The following ISLR2 variants were observed in gnomAD, a reference collection of about 807,000 sequenced individuals.
ISLR2 encodes the protein immunoglobulin superfamily containing leucine rich repeat 2, also known as immunoglobulin superfamily containing leucine-rich repeat protein 2.
A neutral mutation model predicts 25.5 loss-of-function variants in ISLR2; 16 were observed. That is an observed-to-expected ratio of 0.63 (90% CI 0.43 to 0.95). The LOEUF (loss-of-function observed/expected upper bound fraction) is 0.95. Ranked by LOEUF, ISLR2 falls within the 40% of genes least tolerant of loss-of-function variation. The probability of loss-of-function intolerance (pLI) is 0.00; values close to 1 mark genes in which losing one functional copy is unlikely to be tolerated. For synonymous variants in ISLR2, 508 were observed against 486.6 expected (o/e 1.04, Z -0.58); for missense variants, 883 against 1,030.7 (o/e 0.86, Z 1.96).
chr15:74,114,055 C>T (rs905221935), intron 2 of ISLR2, among the ~76,000 whole-genome samples: 7 of 152,242 alleles, frequency 4.6e-5, no homozygotes, highest in African/African-American at 1.7e-4. Context: ...CTGTTTCCTC[C>T]ACCAAACAAG....
rs1455852659 is a variant in ISLR2, at chr15:74,132,429, G to T, written c.-8-318G>T. Among the ~76,000 whole-genome samples the T allele has an allele frequency of 6.6e-6, 1 of 152,172 alleles. No homozygotes were observed. The highest frequency in any genetic ancestry group is 2.4e-5 in the African/African-American group (1 of 41,442). ...GGCTTAGAAACACAGAGAGGGGTAC[G>T]TGAGGAGCCCGCTGGAGATGGGCGA... is the stretch of plus-strand genomic sequence containing the variant. On this transcript the variant is annotated intron_variant, in intron 2 of 2. Coordinates refer to ENST00000453268, the MANE Select transcript of ISLR2 (RefSeq NM_020851.3). This position sits in a 1 kb window ranked among gnomAD's most constrained non-coding sequence, Gnocchi z 4.3.
intron 2 of ISLR2, among the ~76,000 whole-genome samples, chr15:74,111,839 T>A (rs2141930262): frequency 6.6e-6 from 1 of 152,086 alleles, no homozygotes; most frequent in South Asian, 2.1e-4. Context: ...CTGGAATAAG[T>A]ACAGAGGAAT....
downstream of ISLR2, among the ~76,000 whole-genome samples, chr15:74,139,781 G>A (rs192868668): frequency 1.2e-4 from 18 of 152,070 alleles, no homozygotes; most frequent in African/African-American, 3.9e-4. Flanking sequence ...TTCATGTGCT[G>A]TGCTAGCTTC....
At chr15:74,128,997 C>T, upstream of ISLR2, 1 of 456,722 alleles carries the variant, frequency 2.2e-6, no homozygotes, top group South Asian at 1.5e-5. Flanking sequence ...GGCTGTCCCA[C>T]CACAGGATCC....
At chr15:74,126,345 G>GTTGTTTTTTTT (rs1228122616), upstream of ISLR2, 1 of 139,972 alleles carries the variant, frequency 7.1e-6, no homozygotes, top group African/African-American at 2.9e-5. Context: ...AAAAGCATAG[G>GTTGTTTTTTTT]TATTTTTTTT....
intron 2 of ISLR2, among the ~76,000 whole-genome samples, chr15:74,118,021 C>T (rs2072224304): frequency 6.6e-6 from 1 of 152,184 alleles, no homozygotes; most frequent in East Asian, 1.9e-4. Flanking sequence ...TGTCTGCTGG[C>T]ATATAATGAA....
At chr15:74,141,567 T>C (rs1033885525), downstream of ISLR2, among the ~76,000 whole-genome samples, 1 of 152,202 alleles carries the variant, frequency 6.6e-6, no homozygotes, top group Non-Finnish European at 1.5e-5. Context: ...ATACTAATAA[T>C]ACCAATAGTG....
At position 74,133,066 on chromosome 15, in the gene ISLR2, C is replaced by T; in HGVS notation, c.312C>T (p.Leu104=). 1.9e-6 allele frequency: 3 copies of T among 1,613,006 alleles called. No homozygotes were observed. The highest frequency in any genetic ancestry group is 2.5e-6 in the Non-Finnish European group (3 of 1,179,968). ...ALAVLSQLKN[L]DLSHNFISSF... is the part of the protein sequence containing the mutation. The stretch of plus-strand genomic sequence containing the variant: ...CCGTGCTGAGTCAGCTCAAGAACCT[C>T]GATCTGAGCCACAACTTCATATCCA... The change falls in exon 3 of 3, where the codon CTC becomes CTT. Residue 104 remains leucine (L), a synonymous_variant. Coordinates refer to ENST00000453268, the MANE Select transcript of ISLR2 (RefSeq NM_020851.3).
rs746045369 is a variant in ISLR2 at position 74,133,965 on chromosome 15, G to A, written c.1211G>A (p.Arg404Gln). 6.8e-6 allele frequency: 11 copies of A among 1,609,200 alleles called. No homozygotes were observed. In the South Asian group the frequency reaches 1.1e-4, roughly 16 times the overall value. ...TSERKSTAKGRGNSVLPSKPE... is the reference protein window; with the variant it reads ...TSERKSTAKGQGNSVLPSKPE... ...GAGCGCAAGTCCACAGCCAAGGGCC[G>A]GGGCAACAGCGTCCTGCCTTCCAAA... is the stretch of plus-strand genomic sequence containing the variant. Residue 404 changes from arginine (R) to glutamine (Q), a missense_variant, in exon 3 of 3, where the codon CGG becomes CAG. Around this residue, in one of 2 missense-constraint regions of ISLR2, gnomAD observed 612 missense variants for 642.8 expected, o/e 0.95. Transcript: ENST00000453268.
Position 74,116,610 on chromosome 15 carries a change from G to A in ISLR2, n.228+12696G>A, listed in dbSNP as rs148373808. On this transcript the variant is annotated intron_variant and non_coding_transcript_variant, in intron 2 of 3. Coordinates refer to the ISLR2 transcript ENST00000561975. ...AGACCACTGACATAATAAATACATG[G>A]ATAAATAGAAAAGATCCTATTTTCT... 1.3e-3 allele frequency among the ~76,000 whole-genome samples: 202 copies of A among 152,278 alleles called. 3 individuals carry two copies. In the East Asian group the frequency reaches 0.02, roughly 15 times the overall value.
intron 2 of ISLR2, among the ~76,000 whole-genome samples, chr15:74,106,045 AC>A (rs1376545479): frequency 6.6e-6 from 1 of 152,038 alleles, no homozygotes; most frequent in Non-Finnish European, 1.5e-5. Context: ...AAGATTTAAA[AC>A]CGGGCTCCAT....
intron 2 of ISLR2, among the ~76,000 whole-genome samples, chr15:74,106,976 G>T (rs1183078616): frequency 6.6e-6 from 1 of 152,122 alleles, no homozygotes; most frequent in Non-Finnish European, 1.5e-5. Flanking sequence ...AGACCTTGGT[G>T]AGGGTGTTGG....
At chr15:74,139,540 A>C, downstream of ISLR2, among the ~76,000 whole-genome samples, 1 of 152,038 alleles carries the variant, frequency 6.6e-6, no homozygotes, top group South Asian at 2.1e-4. Context: ...TCTGGCTTAT[A>C]CTTATCCAGA....
intron 2 of ISLR2, among the ~76,000 whole-genome samples, chr15:74,107,992 C>T (rs546978314): frequency 1.3e-5 from 2 of 152,262 alleles, no homozygotes; most frequent in South Asian, 2.1e-4. Flanking sequence ...CAGGAGAGCC[C>T]GGGTCACCTC....
At chr15:74,131,885 T>TG (rs2072429104) in intron 2 of ISLR2, 1 of 152,316 alleles carries the variant, frequency 6.6e-6, no homozygotes, top group African/African-American at 2.4e-5. Context: ...CAGTAGGGCA[T>TG]GGGGATGGGC....
downstream of ISLR2, chr15:74,138,491 A>G (rs988808195): frequency 6.6e-6 from 1 of 152,652 alleles, no homozygotes; most frequent in Non-Finnish European, 1.5e-5. Context: ...GATCTCAGAA[A>G]GACAGTTCCA....
chr15:74,134,768 G>C lies in ISLR2; in HGVS notation c.2014G>C (p.Val672Leu), dbSNP rs773420244. 4 of 1,613,962 alleles carry C rather than the reference G, an allele frequency of 2.5e-6. No individual in the cohort carries two copies. The highest frequency in any genetic ancestry group is 3.4e-6 in the Non-Finnish European group (4 of 1,179,920). Residue 672 changes from valine (V) to leucine (L), a missense_variant, in exon 3 of 3, where the codon GTG becomes CTG. By Grantham distance (32) the Val-to-Leu change is conservative. Coordinates refer to ENST00000453268, the MANE Select transcript of ISLR2 (RefSeq NM_020851.3). ...GGCGGGCGGCGAGGAGCCAGAGGAC[G>C]TGCAGGGGGAGGGCCTTGATGAAGA... ...GEAGGEEPEDVQGEGLDEDAE... is the reference protein window; with the variant it reads ...GEAGGEEPEDLQGEGLDEDAE...
At chr15:74,111,050 G>A (rs1379432863) in intron 2 of ISLR2, among the ~76,000 whole-genome samples, 5 of 145,656 alleles carry the variant, frequency 3.4e-5, no homozygotes, top group Admixed American at 7.0e-5. Context: ...TGAGGCAGGA[G>A]AATCACTTGA....
chr15:74,113,576 TC>T (rs1402026432), intron 2 of ISLR2, among the ~76,000 whole-genome samples: 1 of 152,336 alleles, frequency 6.6e-6, no homozygotes, highest in African/African-American at 2.4e-5. Context: ...GGTTATGTTA[TC>T]CTACTCTAGT....
Sources: allele counts gnomAD v4.1 joint callset (sites outside exome capture counted in the v4.1 genomes callset), GRCh38; gene constraint gnomAD v4.1.1; regional missense constraint gnomAD v4.1.1; non-coding constraint Gnocchi (gnomAD v3.1); transcripts MANE v1.5; gene names NCBI Gene and HGNC (gene_info 2026-07-23, HGNC 2026-07-21).